LGALS16: variants seen among roughly 807,000 people sequenced by gnomAD.
LGALS16 encodes galectin-16.
Under a neutral mutation model 13.2 loss-of-function variants are expected in LGALS16, and 15 were observed. The observed-to-expected ratio is 1.13, with a 90% CI of 0.76 to 1.75. The LOEUF (loss-of-function observed/expected upper bound fraction) is 1.75. Ranked by LOEUF, LGALS16 falls within the 40% of genes most tolerant of loss-of-function variation. LGALS16 has a pLI of 0.00. For missense variants in LGALS16, 198 were observed against 178.4 expected, an observed-to-expected ratio of 1.11 and a Z score of -0.63; for synonymous variants, 66 against 65.4, an observed-to-expected ratio of 1.01 and a Z score of -0.05.
Position 39,660,559 on chromosome 19 carries a change from G to A in LGALS16, c.*39G>A, listed in dbSNP as rs1418854501. 1 of 1,537,366 alleles carries A rather than the reference G, an allele frequency of 6.5e-7. No individual in the cohort carries two copies. Among genetic ancestry groups the A allele is most frequent in the Non-Finnish European group, 8.8e-7 (1 of 1,142,254 alleles). On this transcript the variant is annotated 3_prime_UTR_variant, in exon 4 of 4. Coordinates refer to ENST00000392051, the MANE Select transcript of LGALS16 (RefSeq NM_001190441.3). The stretch of plus-strand genomic sequence containing the variant: ...TGTTGAGGAAACCCTCTTTCTACCT[G>A]ACCATGGGATTCCTAGAGCCTGCTA...
intron 1 of LGALS16, 88 bp from the exon 2 acceptor site, chr19:39,657,795 T>G: frequency 6.8e-7 from 1 of 1,466,814 alleles, no homozygotes; most frequent in East Asian, 2.3e-5. Flanking sequence ...CCCTGTGATC[T>G]CTAACCTCCT....
chr19:39,656,595 A>T (rs1973197380), intron 1 of LGALS16, among the ~76,000 whole-genome samples: 1 of 152,068 alleles, frequency 6.6e-6, no homozygotes, highest in African/African-American at 2.4e-5. Flanking sequence ...GGGATCTTGG[A>T]GATTGTGAGT....
At chr19:39,657,769 G>T in intron 1 of LGALS16, 114 bp from the exon 2 acceptor site, 1 of 1,128,178 alleles carries the variant, frequency 8.9e-7, no homozygotes, top group South Asian at 1.3e-5. Flanking sequence ...TGAATGGGGA[G>T]AGTCCACAGA....
At chr19:39,657,074 G>T (rs1364290402) in intron 1 of LGALS16, among the ~76,000 whole-genome samples, 1 of 152,032 alleles carries the variant, frequency 6.6e-6, no homozygotes, top group Non-Finnish European at 1.5e-5. Context: ...GCCAGTCTGG[G>T]TATCATAGTG....
intron 3 of LGALS16, 113 bp downstream of exon 3, chr19:39,658,783 C>T (rs979215384): frequency 1.7e-5 from 12 of 689,858 alleles, no homozygotes; most frequent in Non-Finnish European, 3.0e-5. Context: ...CGTAACTACC[C>T]CTGCCCCAGG....
intron 1 of LGALS16, among the ~76,000 whole-genome samples, chr19:39,657,641 C>G (rs1162004339): frequency 1.3e-5 from 2 of 152,160 alleles, no homozygotes; most frequent in Admixed American, 1.3e-4. Flanking sequence ...TCTAAGATTG[C>G]ACTGCTAGTA....
intron 3 of LGALS16, among the ~76,000 whole-genome samples, chr19:39,660,010 A>G (rs987828304): frequency 6.6e-6 from 1 of 152,242 alleles, no homozygotes; most frequent in Non-Finnish European, 1.5e-5. Context: ...GTCACAGTTC[A>G]TGGAACTGAA....
At chr19:39,659,955 G>A (rs1333630975) in intron 3 of LGALS16, among the ~76,000 whole-genome samples, 1 of 152,204 alleles carries the variant, frequency 6.6e-6, no homozygotes, top group Non-Finnish European at 1.5e-5. Context: ...CACCTCAGAT[G>A]TAGGCTACTC....
At chr19:39,657,770 A>G in intron 1 of LGALS16, 113 bp from the exon 2 acceptor site, 8 of 1,135,142 alleles carry the variant, frequency 7.0e-6, no homozygotes, top group Non-Finnish European at 1.0e-5. Context: ...GAATGGGGAG[A>G]GTCCACAGAG....
In LGALS16 at chr19:39,656,730, C is replaced by A. The variant is rs533295633; in HGVS notation, c.15+754C>A. On this transcript the variant is annotated intron_variant, in intron 1 of 3. Transcript: ENST00000392051. ...GTGATGGATCCTCAGGTGGGGTCTGCACAGAGTGACCACTGTCTCTTGCCT... is the reference window on the plus strand; with the variant it reads ...GTGATGGATCCTCAGGTGGGGTCTGAACAGAGTGACCACTGTCTCTTGCCT... Among the ~76,000 whole-genome samples the A allele has an allele frequency of 4.6e-5, 7 of 152,154 alleles. No individual in the cohort carries two copies. In the South Asian group the frequency reaches 1.5e-3, roughly 32 times the overall value.
At chr19:39,657,627 C>G (rs1348170144) in intron 1 of LGALS16, among the ~76,000 whole-genome samples, 1 of 152,136 alleles carries the variant, frequency 6.6e-6, no homozygotes, top group East Asian at 1.9e-4. Flanking sequence ...AGTCAAGTAA[C>G]CGATCTAAGA....
In LGALS16 at chr19:39,658,629, C is replaced by A. The variant is rs1218609491; in HGVS notation, c.262C>A (p.Pro88Thr). The stretch of plus-strand genomic sequence containing the variant: ...CTATGTGCCCTTTGAGGATGGCAAA[C>A]CATTTGACTTGCGCATCTACGTGTG... ...LHYVPFEDGK[P>T]FDLRIYVCHN... The change falls in exon 3 of 4, where the codon CCA (proline) becomes ACA (threonine). Residue 88 changes from proline to threonine, a missense_variant. Pro to Thr is a conservative substitution (Grantham distance 38). Transcript: ENST00000392051. The A allele has an allele frequency of 6.3e-7, 1 of 1,599,488 alleles. No homozygotes were observed. Among genetic ancestry groups the A allele is most frequent in the Non-Finnish European group, 8.5e-7 (1 of 1,175,778 alleles).
In LGALS16 at chr19:39,657,800, C is replaced by A. The variant is rs773911508; in HGVS notation, c.16-83C>A. Reference sequence around the variant, plus strand: ...ACAGAGCCTGCCCTGTGATCTCTAACCTCCTGCACCATGGGAATATGTTAC... The same window carrying A: ...ACAGAGCCTGCCCTGTGATCTCTAAACTCCTGCACCATGGGAATATGTTAC... On this transcript the variant is annotated intron_variant, in intron 1 of 3. Transcript: ENST00000392051. 1.1e-5 allele frequency: 17 copies of A among 1,492,504 alleles called. 1 individual carries two copies. The South Asian group carries it at 1.7e-4, about 15-fold the overall frequency. The allele number at this position is 1,492,504 out of a possible 1,614,324, so 92.5% of individuals were successfully genotyped here.
intron 1 of LGALS16, among the ~76,000 whole-genome samples, chr19:39,657,422 T>A (rs1973206409): frequency 6.6e-6 from 1 of 152,094 alleles, no homozygotes; most frequent in African/African-American, 2.4e-5. Context: ...TTGCCCTTGA[T>A]GATTGTGAGA....
intron 2 of LGALS16, among the ~76,000 whole-genome samples, chr19:39,658,171 A>G (rs1973216592): frequency 1.3e-5 from 2 of 152,202 alleles, no homozygotes; most frequent in Admixed American, 1.3e-4. Flanking sequence ...GAGAATACTC[A>G]GTGGGTTGGG....
At chr19:39,657,730 A>G in intron 1 of LGALS16, 153 bp from the exon 2 acceptor site, 1 of 825,236 alleles carries the variant, frequency 1.2e-6, no homozygotes, top group Non-Finnish European at 1.9e-6. Context: ...CCATACCTTC[A>G]GGAATGTGGG....
At chr19:39,659,046 T>C (rs1179918970) in intron 3 of LGALS16, among the ~76,000 whole-genome samples, 5 of 152,086 alleles carry the variant, frequency 3.3e-5, no homozygotes, top group African/African-American at 4.8e-5. Context: ...GCCCCAATTC[T>C]ACTCATACGA....
chr19:39,658,664 G>T lies in LGALS16; in HGVS notation c.297G>T (p.Glu99Asp). The T allele has an allele frequency of 6.4e-7, 1 of 1,572,206 alleles. No individual in the cohort carries two copies. The change falls in exon 3 of 4, where the codon GAG becomes GAT. Residue 99 changes from glutamate (E) to aspartate (D), a missense_variant. By Grantham distance (45) the Glu-to-Asp change is conservative. Transcript: ENST00000392051. Reference protein sequence around the residue: ...FDLRIYVCHNEYEVKVNGEYI... With the variant: ...FDLRIYVCHNDYEVKVNGEYI... ...TGCGCATCTACGTGTGTCACAATGAGTATGAGGTGAGCACCCCAGGAGCTC... is the reference window on the plus strand; with the variant it reads ...TGCGCATCTACGTGTGTCACAATGATTATGAGGTGAGCACCCCAGGAGCTC...
intron 3 of LGALS16, 30 bp from the exon 4 acceptor site, chr19:39,660,365 T>C (rs1197423805): frequency 1.3e-6 from 2 of 1,539,306 alleles, no homozygotes; most frequent in Admixed American, 2.0e-5. Context: ...GGTGGCATAC[T>C]GTCTTTCTGA....
Sources: gnomAD v4.1 joint callset for allele counts (sites outside exome capture counted in the v4.1 genomes callset) on GRCh38, gnomAD v4.1.1 for gene constraint, MANE v1.5 for transcripts, NCBI Gene and HGNC (gene_info 2026-07-23, HGNC 2026-07-21) for gene names.